Variants in ZNF618 observed in about 807,000 individuals in gnomAD.
ZNF618 encodes zinc finger protein 618.
In ZNF618, 34 loss-of-function variants were observed where a neutral mutation model predicts 103.0. The ratio of observed to expected loss-of-function variants is 0.33; its 90% confidence interval spans 0.25 to 0.44. ZNF618 has a LOEUF of 0.44. Ranked by LOEUF, ZNF618 falls within the 20% of genes least tolerant of loss-of-function variation. The pLI is 1.00. For missense variants in ZNF618, 1,059 were observed against 1,295.4 expected (o/e 0.82, Z 2.80); for synonymous variants, 551 against 542.2 (o/e 1.02, Z -0.23).
chr9:113,938,342 TA>T (rs56218119), intron 1 of ZNF618, among the ~76,000 whole-genome samples: 101 of 140,994 alleles, frequency 7.2e-4, no homozygotes, highest in East Asian at 8.4e-4. Flanking sequence ...CCTGGCTAAT[TA>T]AAAAAAAAAA....
At chr9:113,974,638 T>G (rs1838316622) in intron 2 of ZNF618, among the ~76,000 whole-genome samples, 1 of 152,160 alleles carries the variant, frequency 6.6e-6, no homozygotes, top group Non-Finnish European at 1.5e-5. Flanking sequence ...CAAAGGATTA[T>G]GTGTAGCCTG....
chr9:114,038,027 G>C (rs1026742453), intron 13 of ZNF618, among the ~76,000 whole-genome samples: 2 of 152,150 alleles, frequency 1.3e-5, no homozygotes, highest in Admixed American at 6.5e-5. Context: ...TTCCTTTGCT[G>C]TCAGCTGTGC....
At chr9:114,040,220 C>G (rs998423284) in intron 13 of ZNF618, among the ~76,000 whole-genome samples, 1 of 152,072 alleles carries the variant, frequency 6.6e-6, no homozygotes, top group Non-Finnish European at 1.5e-5. Context: ...AAACTGAGAC[C>G]CAGAGAGTTG....
chr9:113,898,009 T>C (rs1240887970), intron 1 of ZNF618, among the ~76,000 whole-genome samples: 8 of 152,196 alleles, frequency 5.3e-5, no homozygotes, highest in Non-Finnish European at 1.0e-4. Context: ...GGCAGGCTGG[T>C]CTTGAACTCC....
At position 113,876,358 on chromosome 9, in the gene ZNF618, G is replaced by T; in HGVS notation, c.-23G>T. 1 of 1,190,454 alleles carries T rather than the reference G, an allele frequency of 8.4e-7. No individual in the cohort carries two copies. Among genetic ancestry groups the T allele is most frequent in the Non-Finnish European group, 1.0e-6 (1 of 964,480 alleles). The allele number at this position is 1,190,454 out of a possible 1,614,324, so 73.7% of individuals were successfully genotyped here. A position where few individuals can be genotyped will look rare whatever the true frequency, so the allele number is the denominator to read the frequency against. ...CCCGGGAGGAGCAGGACGCGCCGGGGCCGCCTCCTCCCGCACGGACCCATG... is the reference window on the plus strand; with the variant it reads ...CCCGGGAGGAGCAGGACGCGCCGGGTCCGCCTCCTCCCGCACGGACCCATG... On this transcript the variant is annotated 5_prime_UTR_variant, in exon 1 of 15. Coordinates refer to ENST00000374126, the MANE Select transcript of ZNF618 (RefSeq NM_001318042.2).
chr9:113,943,330 G>T (rs997165710), intron 1 of ZNF618, among the ~76,000 whole-genome samples: 8 of 152,172 alleles, frequency 5.3e-5, no homozygotes, highest in Admixed American at 5.2e-4. Context: ...GTTGGGTGAG[G>T]AGAGGCTCAA....
chr9:114,016,260 G>A, intron 9 of ZNF618: 2 of 1,177,138 alleles, frequency 1.7e-6, no homozygotes, highest in Admixed American at 1.9e-5. Flanking sequence ...GGAAGGTCCT[G>A]GAGATGAGGG....
At chr9:113,946,782 A>G (rs1385236161) in intron 1 of ZNF618, among the ~76,000 whole-genome samples, 1 of 152,052 alleles carries the variant, frequency 6.6e-6, no homozygotes, top group Non-Finnish European at 1.5e-5. Flanking sequence ...TGGGGATCTC[A>G]TGTTCTTGGA....
At chr9:113,955,899 A>G (rs907366769) in intron 1 of ZNF618, among the ~76,000 whole-genome samples, 6 of 152,138 alleles carry the variant, frequency 3.9e-5, no homozygotes, top group African/African-American at 1.4e-4. Flanking sequence ...TGTGACCGGA[A>G]GAAGGGTGCT....
chr9:113,965,380 T>G (rs886240821), intron 1 of ZNF618, among the ~76,000 whole-genome samples: 2 of 152,154 alleles, frequency 1.3e-5, no homozygotes, highest in South Asian at 4.2e-4. Flanking sequence ...TTCACATTCA[T>G]TTGGGAGGGA....
chr9:113,992,744 GACACAA>G (rs1840193865), intron 3 of ZNF618, among the ~76,000 whole-genome samples: 1 of 152,234 alleles, frequency 6.6e-6, no homozygotes, highest in Non-Finnish European at 1.5e-5. Context: ...TGTTCCCAGT[GACACAA>G]ACATCATCCA....
intron 1 of ZNF618, among the ~76,000 whole-genome samples, chr9:113,895,121 AAG>A (rs1829929372): frequency 1.3e-5 from 2 of 152,008 alleles, no homozygotes. Flanking sequence ...CTGAGTTGCT[AAG>A]AGTTTTTTAT....
At chr9:114,028,133 CA>C (rs1196849834) in intron 10 of ZNF618, 1 of 152,434 alleles carries the variant, frequency 6.6e-6, no homozygotes, top group Admixed American at 6.5e-5. Context: ...GTGAGGGAGG[CA>C]GGGGGCCTGG....
intron 1 of ZNF618, among the ~76,000 whole-genome samples, chr9:113,960,744 G>A (rs769412443): frequency 3.9e-5 from 6 of 152,180 alleles, no homozygotes; most frequent in African/African-American, 1.4e-4. Flanking sequence ...GTTTGGGGAC[G>A]GTCTTCACAT....
In ZNF618 at chr9:113,988,378, A is replaced by G; in HGVS notation, c.135A>G (p.Pro45=). The change falls in exon 3 of 15, where the codon CCA becomes CCG. Residue 45 remains proline (P), a synonymous_variant. Transcript: ENST00000374126. ...STKVEGPEPV[P]AEASLSAEQG... is the part of the protein sequence containing the mutation. ...AGGTGGAGGGCCCAGAGCCAGTGCC[A>G]GCCGAGGCCTCGCTGAGTGCCGAGC... 2 of 1,613,584 alleles carry G rather than the reference A, an allele frequency of 1.2e-6. No homozygotes were observed. Among genetic ancestry groups the G allele is most frequent in the East Asian group, 2.2e-5 (1 of 44,886 alleles).
rs762295028 is a variant in ZNF618 at position 114,049,190 on chromosome 9, G to A, written c.1888G>A (p.Gly630Ser). ...RVSTSAFSKA[G>S]MCLRCSACAL... ...GAGCACGTCCGCCTTCTCCAAGGCC[G>A]GCATGTGCCTTCGCTGCTCAGCCTG... Residue 630 changes from glycine to serine, a missense_variant, in exon 15 of 15, where the codon GGC becomes AGC. This residue lies in a region of ZNF618 where 272 missense variants were observed against 380.1 expected (regional missense o/e 0.72). Transcript: ENST00000374126. 4 of 1,613,758 alleles carry A rather than the reference G, an allele frequency of 2.5e-6. No individual in the cohort carries two copies. The highest frequency in any genetic ancestry group is 2.5e-6 in the Non-Finnish European group (3 of 1,179,868).
chr9:114,029,861 G>A (rs1017781385), intron 11 of ZNF618, among the ~76,000 whole-genome samples: 1 of 152,188 alleles, frequency 6.6e-6, no homozygotes, highest in African/African-American at 2.4e-5. Context: ...AAAGTTCCGA[G>A]AAGTTATTTC....
intron 1 of ZNF618, among the ~76,000 whole-genome samples, chr9:113,963,865 TG>T (rs979946212): frequency 2.0e-5 from 3 of 152,248 alleles, no homozygotes; most frequent in South Asian, 2.1e-4. Context: ...GCACACACCC[TG>T]GGGGGTGACA....
At position 114,055,963 on chromosome 9, in the gene ZNF618, A is replaced by G. The variant is rs1232517407; in HGVS notation, c.*5796A>G. 1 of 148,712 alleles carries G rather than the reference A, an allele frequency of 6.7e-6. No individual in the cohort carries two copies. The highest frequency in any genetic ancestry group is 2.4e-5 in the African/African-American group (1 of 40,882). 9.2% of individuals were successfully genotyped at this position (148,712 alleles called of 1,614,324 possible). The stretch of plus-strand genomic sequence containing the variant: ...GGCCATCTTGGGGACCCTGTGTACC[A>G]TGTACTGTATTTAAAAAAAAAAAAA... On this transcript the variant is annotated 3_prime_UTR_variant, in exon 15 of 15. Transcript: ENST00000374126.
Sources: gnomAD v4.1 joint callset for allele counts (sites outside exome capture counted in the v4.1 genomes callset) on GRCh38, gnomAD v4.1.1 for gene constraint, gnomAD v4.1.1 regional missense constraint, MANE v1.5 for transcripts, NCBI Gene and HGNC (gene_info 2026-07-23, HGNC 2026-07-21) for gene names.